Variants in FGD4 observed in about 807,000 individuals in gnomAD.
The protein encoded by FGD4 is FYVE, RhoGEF and PH domain containing 4, also known as FYVE, RhoGEF and PH domain-containing protein 4.
In FGD4, 42 loss-of-function variants were observed where a neutral mutation model predicts 102.0. The observed-to-expected ratio is 0.41, with a 90% confidence interval of 0.32 to 0.53. The LOEUF is 0.53. Among genes scored for constraint, FGD4 ranks in the 20% least tolerant of loss-of-function variants. The probability of loss-of-function intolerance (pLI) is 0.21; values close to 1 mark genes in which losing one functional copy is unlikely to be tolerated. For missense variants in FGD4, 902 were observed against 1,078.2 expected (o/e 0.84, Z 2.29); for synonymous variants, 380 against 375.7 (o/e 1.01, Z -0.13).
intron 1 of FGD4, among the ~76,000 whole-genome samples, chr12:32,479,149 T>A (rs1272010922): frequency 6.6e-6 from 1 of 152,202 alleles, no homozygotes; most frequent in East Asian, 1.9e-4. Context: ...TCTTCAGTCT[T>A]CACAATTTTT....
At chr12:32,585,254 A>ATATG (rs1289759376) in intron 4 of FGD4, among the ~76,000 whole-genome samples, 3 of 135,800 alleles carry the variant, frequency 2.2e-5, no homozygotes, top group African/African-American at 5.5e-5. Context: ...ATATATATAT[A>ATATG]TATGTATATC....
Position 32,619,754 on chromosome 12 carries a change from C to T in FGD4, c.1806C>T (p.Phe602=). The T allele has an allele frequency of 1.2e-6, 2 of 1,614,134 alleles. No individual in the cohort carries two copies. Among genetic ancestry groups the T allele is most frequent in the Non-Finnish European group, 1.7e-6 (2 of 1,180,034 alleles). ...AATTCAGCTTGGTAGGCTCTAAATT[C>T]ACAGTTCGAACCAGGGTTGGCATTG... ...VPKFSLVGSK[F]TVRTRVGIDG... The change falls in exon 11 of 17, where the codon TTC becomes TTT. Residue 602 remains phenylalanine (F), a synonymous_variant. Transcript: ENST00000534526.
chr12:32,642,744 C>G lies in FGD4; in HGVS notation c.*2211C>G, dbSNP rs1951220227. 1 of 152,064 alleles carries G rather than the reference C, an allele frequency of 6.6e-6. No homozygotes were observed. The allele number at this position is 152,064 out of a possible 1,614,324, so 9.4% of individuals were successfully genotyped here. On this transcript the variant is annotated 3_prime_UTR_variant, in exon 17 of 17. Coordinates refer to ENST00000534526, the MANE Select transcript of FGD4 (RefSeq NM_001370298.3). ...TTATCCGGTCACCATATTCACTTTC[C>G]ACCCCACATTCTTCAGCTAAACGCA...
intron 9 of FGD4, 150 bp downstream of exon 9, chr12:32,610,984 C>A (rs1949099711): frequency 1.6e-6 from 2 of 1,247,092 alleles, no homozygotes; most frequent in Middle Eastern, 2.1e-4. Flanking sequence ...TGGAATAATT[C>A]TCTGAACTTG....
At chr12:32,638,884 G>A in intron 16 of FGD4, 89 bp downstream of exon 16, 2 of 1,597,832 alleles carry the variant, frequency 1.3e-6, no homozygotes, top group Non-Finnish European at 1.7e-6. Context: ...TGTAGAACAA[G>A]AGTTCAGGCA....
chr12:32,581,587 A>G (rs1946620394), intron 3 of FGD4, among the ~76,000 whole-genome samples: 1 of 152,234 alleles, frequency 6.6e-6, no homozygotes. Context: ...AAGAGATGAT[A>G]AATACGTAAG....
At chr12:32,573,162 CT>C (rs1374089293) in intron 2 of FGD4, among the ~76,000 whole-genome samples, 2 of 152,152 alleles carry the variant, frequency 1.3e-5, no homozygotes, top group Non-Finnish European at 2.9e-5. Context: ...GTGGCGCGAT[CT>C]CGGCTCACTG....
At chr12:32,489,936 T>G (rs949452482) in intron 1 of FGD4, among the ~76,000 whole-genome samples, 1 of 152,196 alleles carries the variant, frequency 6.6e-6, no homozygotes, top group African/African-American at 2.4e-5. Context: ...AGGCTTTCTT[T>G]TTTATACTTG....
rs553974437 is a variant in FGD4 at position 32,469,922 on chromosome 12, G to A, written c.166+69963G>A. ...GATCTTCCCGCCTCGGCCTCCCAAAGTGCTGGGATTACAAGCATGAGCCAC... is the reference window on the plus strand; with the variant it reads ...GATCTTCCCGCCTCGGCCTCCCAAAATGCTGGGATTACAAGCATGAGCCAC... On this transcript the variant is annotated intron_variant, in intron 1 of 16. Coordinates refer to ENST00000534526, the MANE Select transcript of FGD4 (RefSeq NM_001370298.3). 1.6e-4 allele frequency among the ~76,000 whole-genome samples: 25 copies of A among 152,200 alleles called. No individual in the cohort carries two copies. In the South Asian group the frequency reaches 3.7e-3, roughly 23 times the overall value.
chr12:32,423,282 A>G (rs1379061760), intron 1 of FGD4, among the ~76,000 whole-genome samples: 1 of 152,146 alleles, frequency 6.6e-6, no homozygotes, highest in Non-Finnish European at 1.5e-5. Context: ...GTAAAGTGAA[A>G]TCATGTTTAT....
At chr12:32,635,870 C>T (rs1383880239) in intron 15 of FGD4, among the ~76,000 whole-genome samples, 3 of 151,434 alleles carry the variant, frequency 2.0e-5, no homozygotes, top group Non-Finnish European at 2.9e-5. Context: ...AAAATTAGCC[C>T]GCGTAGTGGT....
chr12:32,592,957 A>G (rs975580222), intron 4 of FGD4, among the ~76,000 whole-genome samples: 9 of 152,274 alleles, frequency 5.9e-5, no homozygotes, highest in East Asian at 5.8e-4. Flanking sequence ...CAGTCTGTCT[A>G]TTTACAGGCA....
chr12:32,432,050 C>CTTTTTTTTTTTTTTTTTTTTTTTTTTTT (rs1565736625), intron 1 of FGD4, among the ~76,000 whole-genome samples: 1 of 117,590 alleles, frequency 8.5e-6, no homozygotes, highest in African/African-American at 3.5e-5. Flanking sequence ...GTAATCCTAG[C>CTTTTTTTTTTTTTTTTTTTTTTTTTTTT]ATTTTTTTTT....
intron 1 of FGD4, among the ~76,000 whole-genome samples, chr12:32,535,411 A>G (rs1338808572): frequency 6.6e-6 from 1 of 152,142 alleles, no homozygotes; most frequent in Non-Finnish European, 1.5e-5. Flanking sequence ...TGGTGACAGC[A>G]CTGCCTCAGG....
chr12:32,633,474 A>T (rs1242376787), intron 14 of FGD4, 75 bp from the exon 15 acceptor site: 1 of 1,458,568 alleles, frequency 6.9e-7, no homozygotes, highest in Non-Finnish European at 9.4e-7. Context: ...CTCATTTATT[A>T]TTACCTATAA....
intron 1 of FGD4, among the ~76,000 whole-genome samples, chr12:32,554,776 G>A (rs370476102): frequency 1.4e-4 from 21 of 152,334 alleles, no homozygotes; most frequent in South Asian, 1.0e-3. Context: ...CAAAATAATC[G>A]GGGGGAAGAA....
chr12:32,472,554 C>T (rs185681728), intron 1 of FGD4, among the ~76,000 whole-genome samples: 47 of 152,348 alleles, frequency 3.1e-4, no homozygotes, highest in Admixed American at 6.5e-4. Context: ...ACCTGCAGCC[C>T]GCCATGCCTG....
chr12:32,643,573 A>G lies in FGD4; in HGVS notation c.*3040A>G, dbSNP rs2137117316. 6.6e-6 allele frequency: 1 copy of G among 152,114 alleles called. No individual in the cohort carries two copies. Among genetic ancestry groups the G allele is most frequent in the African/African-American group, 2.4e-5 (1 of 41,550 alleles). 9.4% of individuals were successfully genotyped at this position (152,114 alleles called of 1,614,324 possible). A position where few individuals can be genotyped will look rare whatever the true frequency, so the allele number is the denominator to read the frequency against. On this transcript the variant is annotated 3_prime_UTR_variant, in exon 17 of 17. Transcript: ENST00000534526. ...TGTACTTATCTTCACTAGGTGACTT[A>G]ACTTACCCCAATTTTTTTAAAAATT...
At chr12:32,541,408 C>T (rs1942817968) in intron 1 of FGD4, among the ~76,000 whole-genome samples, 1 of 152,140 alleles carries the variant, frequency 6.6e-6, no homozygotes, top group Non-Finnish European at 1.5e-5. Flanking sequence ...CACTCTGTTG[C>T]CAGGCTGGAG....
Sources: allele counts gnomAD v4.1 joint callset (sites outside exome capture counted in the v4.1 genomes callset), GRCh38; gene constraint gnomAD v4.1.1; transcripts MANE v1.5; gene names NCBI Gene and HGNC (gene_info 2026-07-23, HGNC 2026-07-21).